PRR16: variants seen among roughly 807,000 people sequenced by gnomAD.
The protein encoded by PRR16 is protein Largen.
A neutral mutation model predicts 18.2 loss-of-function variants in PRR16; 6 were observed. That is an observed-to-expected ratio of 0.33 (90% CI 0.18 to 0.65). The LOEUF (loss-of-function observed/expected upper bound fraction) is 0.65. Among genes scored for constraint, PRR16 ranks in the 30% least tolerant of loss-of-function variants. The pLI is 0.74. For synonymous variants in PRR16, 151 were observed against 147.8 expected (o/e 1.02, Z -0.16); for missense variants, 412 against 376.6 (o/e 1.09, Z -0.78).
chr5:120,787,854 T>C, the PRR16 span, among the ~76,000 whole-genome samples: 1 of 152,072 alleles, frequency 6.6e-6, no homozygotes, highest in Admixed American at 6.6e-5. Context: ...ACCATTAGCA[T>C]AAATATCTAC....
chr5:120,660,511 G>T (rs949751891), intron 1 of PRR16, among the ~76,000 whole-genome samples: 10 of 151,998 alleles, frequency 6.6e-5, no homozygotes, highest in Non-Finnish European at 7.4e-5. Flanking sequence ...ACACTTTTAA[G>T]CATATGTTAC....
intron 1 of PRR16, among the ~76,000 whole-genome samples, chr5:120,622,503 G>A (rs2112823968): frequency 1.3e-5 from 2 of 151,560 alleles, no homozygotes; most frequent in South Asian, 4.2e-4. Context: ...TTTTTGAGAT[G>A]GAGTCTTGCT....
intron 1 of PRR16, among the ~76,000 whole-genome samples, chr5:120,674,003 T>A (rs141450420): frequency 6.6e-6 from 1 of 151,960 alleles, no homozygotes; most frequent in Admixed American, 6.6e-5. Context: ...CTACAGTCTA[T>A]GTACAAATAC....
chr5:120,465,664 G>A (rs551527343), intron 1 of PRR16: 1 of 152,492 alleles, frequency 6.6e-6, no homozygotes, highest in Non-Finnish European at 1.5e-5. Context: ...TGGTAGCAGA[G>A]TCCCAGCGCG....
At chr5:120,470,880 T>C (rs187129201) in intron 1 of PRR16, among the ~76,000 whole-genome samples, 6 of 152,270 alleles carry the variant, frequency 3.9e-5, no homozygotes, top group African/African-American at 1.4e-4. Flanking sequence ...AAGAACAGCA[T>C]TAACCGCCAA....
At chr5:120,682,226 A>G (rs558577908) in intron 1 of PRR16, among the ~76,000 whole-genome samples, 1 of 152,010 alleles carries the variant, frequency 6.6e-6, no homozygotes, top group South Asian at 2.1e-4. Flanking sequence ...TGCTTGAACC[A>G]CTCTTCTGCC....
the PRR16 span, among the ~76,000 whole-genome samples, chr5:120,694,568 C>T: frequency 7.9e-5 from 12 of 151,658 alleles, no homozygotes; most frequent in Non-Finnish European, 1.8e-4. Context: ...CCTGTAGTCC[C>T]AGCTACTCGG....
At chr5:120,709,589 A>G in the PRR16 span, among the ~76,000 whole-genome samples, 2 of 151,980 alleles carry the variant, frequency 1.3e-5, no homozygotes, top group African/African-American at 4.8e-5. Flanking sequence ...TATTCTTTTT[A>G]TCTAGCTATA....
the PRR16 span, among the ~76,000 whole-genome samples, chr5:120,783,352 G>A: frequency 9.9e-5 from 15 of 151,896 alleles, no homozygotes; most frequent in Non-Finnish European, 1.9e-4. Flanking sequence ...TTCAATCATA[G>A]GTATTTAATT....
chr5:120,701,581 A>G, the PRR16 span, among the ~76,000 whole-genome samples: 103 of 152,286 alleles, frequency 6.8e-4, 1 homozygote, highest in South Asian at 0.021. Context: ...GGTGATAAAA[A>G]GATTATAGGG....
chr5:120,491,482 TCTTC>T (rs199581447), intron 1 of PRR16, among the ~76,000 whole-genome samples: 2 of 123,924 alleles, frequency 1.6e-5, no homozygotes, highest in African/African-American at 5.8e-5. Context: ...TCCTTTCCTT[TCTTC>T]CTTCCTTCCT....
At chr5:120,735,624 T>C in the PRR16 span, among the ~76,000 whole-genome samples, 143,108 of 152,162 alleles carry the variant, frequency 0.94, 67,827 homozygotes, top group East Asian at 1. Context: ...TTTGGAGAAA[T>C]GACTATTCAA....
intron 1 of PRR16, among the ~76,000 whole-genome samples, chr5:120,621,450 G>C (rs1754686872): frequency 6.6e-6 from 1 of 151,972 alleles, no homozygotes; most frequent in East Asian, 1.9e-4. Flanking sequence ...CTCAGTCTCT[G>C]ATCCCCCTGT....
At chr5:120,464,280 G>T (rs1396418594), upstream of PRR16, 21 of 364,588 alleles carry the variant, frequency 5.8e-5, no homozygotes, top group Non-Finnish European at 9.3e-5. Context: ...GCAGCCCCGA[G>T]CCGAGCGCCG....
chr5:120,488,762 T>C lies in PRR16; in HGVS notation c.159+24117T>C, dbSNP rs1749910582. Reference sequence around the variant, plus strand: ...TGTTAGGGTGTCATTTTTAGATCTTTCCTGCTTTCTCTTGTGTGCATTTAG... The same window carrying C: ...TGTTAGGGTGTCATTTTTAGATCTTCCCTGCTTTCTCTTGTGTGCATTTAG... On this transcript the variant is annotated intron_variant, in intron 1 of 1. Coordinates refer to ENST00000407149, the MANE Select transcript of PRR16 (RefSeq NM_001300783.2). 2.0e-5 allele frequency among the ~76,000 whole-genome samples: 3 copies of C among 152,240 alleles called. 1 individual carries two copies. In the South Asian group the frequency reaches 6.2e-4, roughly 31 times the overall value.
the PRR16 span, among the ~76,000 whole-genome samples, chr5:120,702,180 TAA>T: frequency 7.0e-6 from 1 of 143,882 alleles, no homozygotes; most frequent in Non-Finnish European, 1.5e-5. Context: ...GGTGCAGAGA[TAA>T]GAGGTTGGGG....
At chr5:120,669,628 A>C (rs1756525320) in intron 1 of PRR16, among the ~76,000 whole-genome samples, 1 of 152,110 alleles carries the variant, frequency 6.6e-6, no homozygotes, top group African/African-American at 2.4e-5. Context: ...CATTTTATTC[A>C]AACTTATAAT....
chr5:120,670,837 T>C (rs962472601), intron 1 of PRR16, among the ~76,000 whole-genome samples: 12 of 152,154 alleles, frequency 7.9e-5, no homozygotes, highest in Non-Finnish European at 1.6e-4. Context: ...AATAATATAA[T>C]GTAATCTCCC....
intron 1 of PRR16, among the ~76,000 whole-genome samples, chr5:120,572,628 G>A (rs1752944521): frequency 6.6e-6 from 1 of 151,960 alleles, no homozygotes; most frequent in Admixed American, 6.6e-5. Flanking sequence ...TAAATTAATG[G>A]GACTACATGA....
Sources: allele counts gnomAD v4.1 joint callset (sites outside exome capture counted in the v4.1 genomes callset), GRCh38; gene constraint gnomAD v4.1.1; transcripts MANE v1.5; gene names NCBI Gene and HGNC (gene_info 2026-07-23, HGNC 2026-07-21).